The following GPC6 variants were observed in gnomAD, a reference collection of about 807,000 sequenced individuals.
The protein encoded by GPC6 is glypican 6.
In GPC6, 14 loss-of-function variants were observed where a neutral mutation model predicts 55.2. The ratio of observed to expected loss-of-function variants is 0.25; its 90% CI spans 0.17 to 0.40. GPC6 has a LOEUF of 0.40. Among genes scored for constraint, GPC6 ranks in the 10% least tolerant of loss-of-function variants. The pLI is 1.00. For missense variants in GPC6, 641 were observed against 708.5 expected (o/e 0.90, Z 1.08); for synonymous variants, 278 against 259.6 (o/e 1.07, Z -0.68).
At chr13:94,339,732 C>CTGCA (rs1174341759) in intron 6 of GPC6, among the ~76,000 whole-genome samples, 1 of 136,468 alleles carries the variant, frequency 7.3e-6, no homozygotes, top group Non-Finnish European at 1.5e-5. Flanking sequence ...ATTTTTAAGT[C>CTGCA]TGCAACCTGC....
intron 4 of GPC6, among the ~76,000 whole-genome samples, chr13:94,046,711 G>A (rs1883744844): frequency 6.6e-6 from 1 of 151,858 alleles, no homozygotes. Flanking sequence ...TATTTATGTT[G>A]TTTTCCTGCG....
chr13:94,169,922 A>G (rs933657934), intron 4 of GPC6, among the ~76,000 whole-genome samples: 3 of 152,152 alleles, frequency 2.0e-5, no homozygotes, highest in African/African-American at 7.2e-5. Flanking sequence ...TTTAGAGTGA[A>G]GGGAAGTTGG....
chr13:93,219,371 C>G, the GPC6 span, among the ~76,000 whole-genome samples: 2 of 152,164 alleles, frequency 1.3e-5, no homozygotes, highest in Non-Finnish European at 2.9e-5. Context: ...GGATTACAGG[C>G]GTGAGCCACC....
chr13:94,312,712 ACGCG>A (rs1876310970), intron 6 of GPC6, among the ~76,000 whole-genome samples: 2 of 121,620 alleles, frequency 1.6e-5, no homozygotes, highest in Admixed American at 7.4e-5. Context: ...ACACACGCAC[ACGCG>A]CACGCACACA....
chr13:94,132,513 C>G (rs1000620283), intron 4 of GPC6, among the ~76,000 whole-genome samples: 2 of 152,136 alleles, frequency 1.3e-5, no homozygotes, highest in African/African-American at 4.8e-5. Context: ...GACTTGTTTT[C>G]TGTATTCCTA....
rs1165594323 is a variant in GPC6 at position 93,529,510 on chromosome 13, C to CTTT, written c.161-15732_161-15730dup. ...TCCTTCCATAGTGGACTCTGAGATT[C>CTTT]TTTTTTTTTTTTTTTTTTTTTTTGA... On this transcript the variant is annotated intron_variant, in intron 1 of 8. Transcript: ENST00000377047. 8.9e-3 allele frequency among the ~76,000 whole-genome samples: 755 copies of CTTT among 85,154 alleles called. 5 individuals are homozygous for CTTT. The highest frequency in any genetic ancestry group is 0.012 in the African/African-American group (252 of 20,166). The allele number at this position is 85,154 out of a possible 152,430, so 55.9% of individuals were successfully genotyped here. A position where few individuals can be genotyped will look rare whatever the true frequency, so the allele number is the denominator to read the frequency against.
At chr13:93,869,946 A>C (rs1465596314) in intron 3 of GPC6, among the ~76,000 whole-genome samples, 1 of 151,854 alleles carries the variant, frequency 6.6e-6, no homozygotes, top group Non-Finnish European at 1.5e-5. Context: ...GAACACAGTA[A>C]CCTGAGGTGG....
intron 4 of GPC6, among the ~76,000 whole-genome samples, chr13:94,041,374 G>A (rs1883526068): frequency 6.6e-6 from 1 of 151,826 alleles, no homozygotes; most frequent in South Asian, 2.1e-4. Flanking sequence ...ATAGTAATCT[G>A]TACTAATTGA....
At chr13:93,791,986 A>AT (rs928303325) in intron 2 of GPC6, among the ~76,000 whole-genome samples, 5 of 152,148 alleles carry the variant, frequency 3.3e-5, no homozygotes, top group Admixed American at 1.3e-4. Context: ...ATTTTTGAAG[A>AT]TTTTTTTTCT....
intron 2 of GPC6, among the ~76,000 whole-genome samples, chr13:93,577,382 A>C (rs1876715870): frequency 6.6e-6 from 1 of 152,134 alleles, no homozygotes; most frequent in Non-Finnish European, 1.5e-5. Context: ...TGGCTATGTG[A>C]TCATACTGCT....
chr13:94,075,996 TTA>T (rs963468575), intron 4 of GPC6, among the ~76,000 whole-genome samples: 1 of 152,090 alleles, frequency 6.6e-6, no homozygotes, highest in Non-Finnish European at 1.5e-5. Flanking sequence ...TGTTGCTGAA[TTA>T]TATGTTAGTT....
intron 1 of GPC6, among the ~76,000 whole-genome samples, chr13:93,340,228 G>T (rs1049025462): frequency 6.6e-6 from 1 of 151,786 alleles, no homozygotes; most frequent in Non-Finnish European, 1.5e-5. Context: ...TAGAGACGGG[G>T]TTTCACCGTG....
At chr13:93,739,539 C>T (rs552259074) in intron 2 of GPC6, among the ~76,000 whole-genome samples, 48 of 151,610 alleles carry the variant, frequency 3.2e-4, no homozygotes, top group African/African-American at 1.0e-3. Context: ...GCGCCATTCT[C>T]CTGCCTCAGC....
At chr13:93,739,533 C>G (rs1013168963) in intron 2 of GPC6, among the ~76,000 whole-genome samples, 1 of 151,866 alleles carries the variant, frequency 6.6e-6, no homozygotes, top group Non-Finnish European at 1.5e-5. Flanking sequence ...GGGTTCGCGC[C>G]ATTCTCCTGC....
At chr13:94,301,392 G>C (rs145168264) in intron 5 of GPC6, among the ~76,000 whole-genome samples, 2 of 151,858 alleles carry the variant, frequency 1.3e-5, no homozygotes, top group Non-Finnish European at 2.9e-5. Flanking sequence ...GTGAGACCCC[G>C]TCTCTAAAAT....
At chr13:94,317,115 T>C (rs1876579996) in intron 6 of GPC6, among the ~76,000 whole-genome samples, 1 of 152,222 alleles carries the variant, frequency 6.6e-6, no homozygotes, top group African/African-American at 2.4e-5. Context: ...TCCATGTCAG[T>C]GATAGTCTCA....
At chr13:93,385,237 A>AGG (rs940880100) in intron 1 of GPC6, among the ~76,000 whole-genome samples, 10 of 152,236 alleles carry the variant, frequency 6.6e-5, no homozygotes, top group African/African-American at 2.4e-4. Context: ...AACTGGTAGC[A>AGG]GGACAGTGAG....
At chr13:93,949,678 G>A (rs1477318761) in intron 3 of GPC6, among the ~76,000 whole-genome samples, 1 of 152,130 alleles carries the variant, frequency 6.6e-6, no homozygotes, top group Admixed American at 6.6e-5. Flanking sequence ...GTTACCAGGT[G>A]GAGGGAGAGG....
At chr13:93,964,509 C>A (rs534484126) in intron 3 of GPC6, among the ~76,000 whole-genome samples, 2 of 152,114 alleles carry the variant, frequency 1.3e-5, no homozygotes, top group East Asian at 3.9e-4. Flanking sequence ...TGTATCATCC[C>A]CTAGGAGGGC....
Sources: gnomAD v4.1 joint callset for allele counts (sites outside exome capture counted in the v4.1 genomes callset) on GRCh38, gnomAD v4.1.1 for gene constraint, MANE v1.5 for transcripts, NCBI Gene and HGNC (gene_info 2026-07-23, HGNC 2026-07-21) for gene names.